AKAP9: variants seen among roughly 807,000 people sequenced by gnomAD.
AKAP9 encodes A-kinase anchoring protein 9.
In AKAP9, 311 loss-of-function variants were observed where a neutral mutation model predicts 488.5. The observed-to-expected ratio is 0.64, with a 90% CI of 0.58 to 0.70. The LOEUF (loss-of-function observed/expected upper bound fraction) is 0.70, where lower values mean the gene tolerates loss of function less well. AKAP9 is among the 30% of genes least tolerant of loss of function. The pLI is 0.00. For synonymous variants in AKAP9, 1,462 were observed against 1,483.5 expected, an observed-to-expected ratio of 0.99 and a Z score of 0.33; for missense variants, 4,215 against 4,374.5, an observed-to-expected ratio of 0.96 and a Z score of 1.03.
chr7:92,012,998 TTTTTTTTTTTTG>T (rs1800973349), intron 9 of AKAP9, among the ~76,000 whole-genome samples: 1 of 126,514 alleles, frequency 7.9e-6, no homozygotes, highest in African/African-American at 3.1e-5. Flanking sequence ...TTTTTTTTTT[TTTTTTTTTTTTG>T]AGACGGAGTC....
At chr7:92,050,088 G>A (rs1278680148) in intron 21 of AKAP9, among the ~76,000 whole-genome samples, 6 of 145,550 alleles carry the variant, frequency 4.1e-5, no homozygotes, top group East Asian at 2.0e-4. Flanking sequence ...TTTTTGAGAC[G>A]GAGTTTTGCT....
chr7:91,949,692 T>C (rs1791950413), intron 1 of AKAP9, among the ~76,000 whole-genome samples: 2 of 152,244 alleles, frequency 1.3e-5, no homozygotes, highest in South Asian at 4.1e-4. Context: ...TGGTTGATTT[T>C]TGCATGGGTT....
rs1234235607 is a variant in AKAP9 at position 92,003,115 on chromosome 7, G to T, written c.3198G>T (p.Lys1066Asn). ...FENMTVGEES[K>N]QEQLILDHLP... is the part of the protein sequence containing the mutation. ...ATATGACTGTTGGAGAAGAAAGTAAGCAAGAACAGTTGATTTTGGATCACT... is the reference window on the plus strand; with the variant it reads ...ATATGACTGTTGGAGAAGAAAGTAATCAAGAACAGTTGATTTTGGATCACT... Residue 1066 changes from lysine to asparagine, a missense_variant, in exon 8 of 50, where the codon AAG (lysine) becomes AAT (asparagine). Physicochemically the swap from Lys to Asn is moderately conservative, Grantham distance 94. This residue lies in a region of AKAP9 where 2,361 missense variants were observed against 2,430.0 expected (regional missense o/e 0.97). Coordinates refer to ENST00000356239, the MANE Select transcript of AKAP9 (RefSeq NM_005751.5). 1.6e-5 allele frequency: 25 copies of T among 1,611,338 alleles called. No homozygotes were observed. Among genetic ancestry groups the T allele is most frequent in the Non-Finnish European group, 2.0e-5 (23 of 1,178,612 alleles).
At chr7:92,052,618 A>G in intron 21 of AKAP9, 108 bp from the exon 22 acceptor site, 1 of 750,058 alleles carries the variant, frequency 1.3e-6, no homozygotes. Context: ...TTGTTTTAAA[A>G]GACCTTACAA....
rs1351472332 is a variant in AKAP9 at position 92,108,638 on chromosome 7, T to TC, written c.11686+6dup. 9 of 1,614,046 alleles carry TC rather than the reference T, an allele frequency of 5.6e-6. No homozygotes were observed. In the African/African-American group the frequency reaches 9.3e-5, roughly 17 times the overall value. The stretch of plus-strand genomic sequence containing the variant: ...GACTTGGAACTATACAGTCAGGTGC[T>TC]CTGAGTTTAACCACATCTTGGCAGC... On this transcript the variant is annotated splice_donor_region_variant and intron_variant, in intron 49 of 49. Transcript: ENST00000356239.
intron 24 of AKAP9, chr7:92,063,314 C>T: frequency 4.2e-6 from 1 of 238,254 alleles, no homozygotes; most frequent in Non-Finnish European, 6.8e-6. Flanking sequence ...ACTGGAACTT[C>T]TCAAAATGTT....
At chr7:92,106,166 T>C (rs1818480701) in intron 47 of AKAP9, among the ~76,000 whole-genome samples, 1 of 152,230 alleles carries the variant, frequency 6.6e-6, no homozygotes, top group Non-Finnish European at 1.5e-5. Flanking sequence ...GCATGTGTAA[T>C]ACTTACCAAG....
chr7:92,038,670 A>G lies in AKAP9; in HGVS notation c.4590A>G (p.Leu1530=). 6.2e-7 allele frequency: 1 copy of G among 1,610,368 alleles called. No homozygotes were observed. The highest frequency in any genetic ancestry group is 8.5e-7 in the Non-Finnish European group (1 of 1,178,364). Residue 1530 remains leucine, a synonymous_variant, in exon 17 of 50, where the codon TTA becomes TTG. Coordinates refer to ENST00000356239, the MANE Select transcript of AKAP9 (RefSeq NM_005751.5). Reference sequence around the variant, plus strand: ...GAGAACATGGAAAGGAAATTTTATTATCAAATAGTGATCCCCATGATATAC... The same window carrying G: ...GAGAACATGGAAAGGAAATTTTATTGTCAAATAGTGATCCCCATGATATAC... ...ELGEHGKEIL[L]SNSDPHDIPE...
In AKAP9 at chr7:92,002,034, A is replaced by G; in HGVS notation, c.2117A>G (p.Gln706Arg). The change falls in exon 8 of 50, where the codon CAG (glutamine) becomes CGG (arginine). Residue 706 changes from glutamine to arginine, a missense_variant. This residue lies in a region of AKAP9 where 2,361 missense variants were observed against 2,430.0 expected (regional missense o/e 0.97). Transcript: ENST00000356239. ...GAAATTTCAAAGCTAAAAGATTTACAGCAGTCTCTTGTAAATTCAAAGTCA... is the reference window on the plus strand; with the variant it reads ...GAAATTTCAAAGCTAAAAGATTTACGGCAGTCTCTTGTAAATTCAAAGTCA... Reference protein sequence around the residue: ...ILEISKLKDLQQSLVNSKSEE... With the variant: ...ILEISKLKDLRQSLVNSKSEE... 1 of 1,607,834 alleles carries G rather than the reference A, an allele frequency of 6.2e-7. No homozygotes were observed. Among genetic ancestry groups the G allele is most frequent in the Non-Finnish European group, 8.5e-7 (1 of 1,178,082 alleles).
intron 14 of AKAP9, among the ~76,000 whole-genome samples, chr7:92,025,626 A>C (rs1470350989): frequency 6.6e-6 from 1 of 152,220 alleles, no homozygotes; most frequent in African/African-American, 2.4e-5. Flanking sequence ...GAGAAACACT[A>C]AGGTTGGAAA....
intron 28 of AKAP9, 57 bp from the exon 29 acceptor site, chr7:92,076,798 A>G: frequency 1.8e-6 from 2 of 1,081,486 alleles, no homozygotes; most frequent in South Asian, 1.6e-5. Context: ...TCTTCATTTT[A>G]TCTTGATAAA....
At chr7:92,095,969 T>C (rs1816498248) in intron 40 of AKAP9, among the ~76,000 whole-genome samples, 1 of 152,202 alleles carries the variant, frequency 6.6e-6, no homozygotes, top group African/African-American at 2.4e-5. Context: ...ATTTTTAGCA[T>C]GTGATACTGC....
At chr7:92,095,510 G>C (rs1197848214) in intron 40 of AKAP9, among the ~76,000 whole-genome samples, 1 of 152,144 alleles carries the variant, frequency 6.6e-6, no homozygotes, top group Non-Finnish European at 1.5e-5. Context: ...TTTTCTCCTA[G>C]GGAAGAGGAA....
chr7:91,941,157 C>G lies in AKAP9; in HGVS notation c.48+10C>G. 6.2e-7 allele frequency: 1 copy of G among 1,613,524 alleles called. No homozygotes were observed. The highest frequency in any genetic ancestry group is 8.5e-7 in the Non-Finnish European group (1 of 1,179,470). On this transcript the variant is annotated intron_variant, in intron 1 of 49. Transcript: ENST00000356239. ...GGCCGGCAAAGCCAAGGTAGGAGAG[C>G]CCGAGGCAACCGGGCCTGCGGTGGG...
chr7:92,014,344 G>A lies in AKAP9; in HGVS notation c.3612+16G>A, dbSNP rs1443621374. On this transcript the variant is annotated intron_variant, in intron 10 of 49. Transcript: ENST00000356239. ...TTTTTTACAGGTAAAATGTTTAAAA[G>A]TACTTTTATGGCCAGATGTGGTGGC... The A allele has an allele frequency of 1.9e-6, 3 of 1,554,482 alleles. No homozygotes were observed. The highest frequency in any genetic ancestry group is 1.4e-5 in the African/African-American group (1 of 73,722).
chr7:92,058,833 A>G (rs1014024233), intron 22 of AKAP9, among the ~76,000 whole-genome samples: 1 of 152,026 alleles, frequency 6.6e-6, no homozygotes, highest in Non-Finnish European at 1.5e-5. Context: ...CCAGTCCAGG[A>G]AAAAAGGAAG....
At chr7:92,099,991 T>A in intron 44 of AKAP9, 122 bp downstream of exon 44, 1 of 871,512 alleles carries the variant, frequency 1.1e-6, no homozygotes, top group Non-Finnish European at 1.8e-6. Context: ...TTAGGATCTG[T>A]AGAAAATTTT....
chr7:92,048,632 A>C (rs1807407113), intron 21 of AKAP9, among the ~76,000 whole-genome samples: 1 of 151,988 alleles, frequency 6.6e-6, no homozygotes, highest in Admixed American at 6.6e-5. Flanking sequence ...AGGGGCTGAG[A>C]GTCATGGCTC....
intron 28 of AKAP9, among the ~76,000 whole-genome samples, chr7:92,075,752 A>G (rs148835557): frequency 6.6e-6 from 1 of 152,358 alleles, no homozygotes; most frequent in Non-Finnish European, 1.5e-5. Context: ...GCTTAGCGGT[A>G]AACTGTTACA....
Sources: gnomAD v4.1 joint callset for allele counts (sites outside exome capture counted in the v4.1 genomes callset) on GRCh38, gnomAD v4.1.1 for gene constraint, gnomAD v4.1.1 regional missense constraint, MANE v1.5 for transcripts, NCBI Gene and HGNC (gene_info 2026-07-23, HGNC 2026-07-21) for gene names.